The following FOXO1 variants were observed in gnomAD, a reference collection of about 807,000 sequenced individuals.
FOXO1 encodes forkhead box protein O1.
Under a neutral mutation model 44.1 loss-of-function variants are expected in FOXO1, and 6 were observed. The observed-to-expected ratio is 0.14, with a 90% CI of 0.07 to 0.27. The LOEUF is 0.27. Ranked by LOEUF, FOXO1 falls within the 10% of genes least tolerant of loss-of-function variation. The probability of loss-of-function intolerance (pLI) is 1.00; values close to 1 mark genes in which losing one functional copy is unlikely to be tolerated. For synonymous variants in FOXO1, 380 were observed against 362.7 expected, an observed-to-expected ratio of 1.05 and a Z score of -0.54; for missense variants, 737 against 888.8, an observed-to-expected ratio of 0.83 and a Z score of 2.17.
chr13:40,645,714 A>C (rs535231671), intron 1 of FOXO1, among the ~76,000 whole-genome samples: 2 of 152,180 alleles, frequency 1.3e-5, no homozygotes, highest in Non-Finnish European at 2.9e-5. Flanking sequence ...GAGATGAAAA[A>C]CTAGGGAAGG....
At chr13:40,588,337 A>G (rs1314092195) in intron 1 of FOXO1, among the ~76,000 whole-genome samples, 2 of 152,172 alleles carry the variant, frequency 1.3e-5, no homozygotes, top group Non-Finnish European at 2.9e-5. Context: ...AGTCACCTGA[A>G]TCCGAACAGG....
chr13:40,556,702 A>T lies in FOXO1; in HGVS notation c.*2347T>A, dbSNP rs1873765654. On this transcript the variant is annotated 3_prime_UTR_variant, in exon 3 of 3. Transcript: ENST00000379561. ...TCAACACACAATGGGGGCTTGGGAGAGGTATAATTACCCAGACTCAGGAGG... is the reference window on the plus strand; with the variant it reads ...TCAACACACAATGGGGGCTTGGGAGTGGTATAATTACCCAGACTCAGGAGG... The T allele has an allele frequency of 6.6e-6, 1 of 152,174 alleles. No homozygotes were observed. The highest frequency in any genetic ancestry group is 1.5e-5 in the Non-Finnish European group (1 of 68,030). The allele number at this position is 152,174 out of a possible 1,614,324, so 9.4% of individuals were successfully genotyped here.
chr13:40,557,638 A>T lies in FOXO1; in HGVS notation c.*1411T>A, dbSNP rs897816203. ...AATCTGCAGGGCAGAAGGGAGAATG[A>T]GATGAAGTATGAGTGTTGACATAAT... On this transcript the variant is annotated 3_prime_UTR_variant, in exon 3 of 3. Transcript: ENST00000379561. The T allele has an allele frequency of 4.6e-5, 7 of 152,272 alleles. No individual in the cohort carries two copies. Among genetic ancestry groups the T allele is most frequent in the African/African-American group, 1.7e-4 (7 of 41,466 alleles). The allele number at this position is 152,272 out of a possible 1,614,324, so 9.4% of individuals were successfully genotyped here.
At chr13:40,645,815 G>A (rs1386443352) in intron 1 of FOXO1, among the ~76,000 whole-genome samples, 2 of 152,076 alleles carry the variant, frequency 1.3e-5, no homozygotes, top group African/African-American at 2.4e-5. Context: ...GGGTGCAGTG[G>A]CTGACACCTG....
intron 1 of FOXO1, among the ~76,000 whole-genome samples, chr13:40,605,443 C>G (rs7985364): frequency 0.39 from 58,576 of 151,896 alleles, 12,102 homozygotes; most frequent in East Asian, 0.73. Flanking sequence ...ACATTTCCTA[C>G]TCGATAGCTC....
intron 1 of FOXO1, among the ~76,000 whole-genome samples, chr13:40,652,139 G>A (rs1278107289): frequency 2.0e-5 from 3 of 152,034 alleles, no homozygotes; most frequent in Non-Finnish European, 2.9e-5. Flanking sequence ...CCCACTCCCC[G>A]TTTAGGAGGT....
chr13:40,620,248 C>G, intron 1 of FOXO1: 1 of 1,493,840 alleles, frequency 6.7e-7, no homozygotes, highest in Non-Finnish European at 9.3e-7. Context: ...AAGGATCCAT[C>G]CCGGAGAAAA....
chr13:40,664,653 G>C (rs1396610774), intron 1 of FOXO1, among the ~76,000 whole-genome samples: 12 of 152,176 alleles, frequency 7.9e-5, no homozygotes, highest in African/African-American at 2.9e-4. Context: ...CGGCCCCTCA[G>C]GGCAGCCTCT....
At chr13:40,596,977 G>GC (rs1200834489) in intron 1 of FOXO1, among the ~76,000 whole-genome samples, 1 of 152,106 alleles carries the variant, frequency 6.6e-6, no homozygotes, top group African/African-American at 2.4e-5. Flanking sequence ...GGAAGACAGC[G>GC]CCTAAATCCT....
intron 1 of FOXO1, among the ~76,000 whole-genome samples, chr13:40,656,017 T>C (rs1280402462): frequency 6.6e-6 from 1 of 152,164 alleles, no homozygotes; most frequent in Non-Finnish European, 1.5e-5. Flanking sequence ...TGTGCCACAA[T>C]GCCATTTTTA....
intron 1 of FOXO1, among the ~76,000 whole-genome samples, chr13:40,610,221 A>T (rs17061453): frequency 0.025 from 3,838 of 152,302 alleles, 103 homozygotes; most frequent in Middle Eastern, 0.058. Context: ...AGCATACTGT[A>T]CTGAGGGAAG....
chr13:40,590,025 C>T (rs1566068969), intron 1 of FOXO1, among the ~76,000 whole-genome samples: 6 of 152,178 alleles, frequency 3.9e-5, no homozygotes. Flanking sequence ...TAAAAGTCTG[C>T]AAGTTTGTAC....
chr13:40,655,337 A>T (rs1021384439), intron 1 of FOXO1, among the ~76,000 whole-genome samples: 57 of 139,372 alleles, frequency 4.1e-4, no homozygotes, highest in Non-Finnish European at 2.6e-4. Context: ...TGACAGAGTT[A>T]GACCCCATCT....
In FOXO1 at chr13:40,604,183, G is replaced by GA. The variant is rs879745148; in HGVS notation, c.631-43324dup. 1.9e-3 allele frequency among the ~76,000 whole-genome samples: 261 copies of GA among 136,452 alleles called. 4 individuals carry two copies. In the East Asian group the frequency reaches 0.022, roughly 12 times the overall value. 89.5% of individuals were successfully genotyped at this position (136,452 alleles called of 152,430 possible). On this transcript the variant is annotated intron_variant, in intron 1 of 2. Coordinates refer to ENST00000379561, the MANE Select transcript of FOXO1 (RefSeq NM_002015.4). ...CCTAAATTTTGCAATTTCCACTAAG[G>GA]AAAAAAAAAAAAGAAGACAAGACAT...
intron 1 of FOXO1, among the ~76,000 whole-genome samples, chr13:40,637,406 T>C (rs183357222): frequency 7.8e-6 from 1 of 127,576 alleles, no homozygotes; most frequent in Non-Finnish European, 1.5e-5. Context: ...ATCGTGCCAC[T>C]GCACTCCAGC....
At chr13:40,610,258 T>C (rs1240014345) in intron 1 of FOXO1, among the ~76,000 whole-genome samples, 1 of 152,154 alleles carries the variant, frequency 6.6e-6, no homozygotes, top group Admixed American at 6.5e-5. Context: ...CCTATTTATA[T>C]ATGTCTATAA....
In FOXO1 at chr13:40,558,451, T is replaced by C. The variant is rs1873844016; in HGVS notation, c.*598A>G. ...TTAACAAGTCCATTAATTTAGCAGATTGATAACAGGCTACTTGGTTCTCAT... is the reference window on the plus strand; with the variant it reads ...TTAACAAGTCCATTAATTTAGCAGACTGATAACAGGCTACTTGGTTCTCAT... On this transcript the variant is annotated 3_prime_UTR_variant, in exon 3 of 3. Coordinates refer to ENST00000379561, the MANE Select transcript of FOXO1 (RefSeq NM_002015.4). The C allele has an allele frequency of 6.0e-6, 1 of 167,588 alleles. No individual in the cohort carries two copies. The highest frequency in any genetic ancestry group is 6.4e-5 in the Admixed American group (1 of 15,716). The allele number at this position is 167,588 out of a possible 1,614,324, so 10.4% of individuals were successfully genotyped here.
At chr13:40,599,502 G>T (rs1055173351) in intron 1 of FOXO1, among the ~76,000 whole-genome samples, 27 of 152,334 alleles carry the variant, frequency 1.8e-4, no homozygotes, top group African/African-American at 6.5e-4. Flanking sequence ...CGTGGACCCT[G>T]TGAAACCACC....
At chr13:40,593,431 G>A (rs1271046343) in intron 1 of FOXO1, among the ~76,000 whole-genome samples, 1 of 152,202 alleles carries the variant, frequency 6.6e-6, no homozygotes, top group Non-Finnish European at 1.5e-5. Context: ...CACTTCCAGG[G>A]TTTCAAGCAC....
Sources: allele counts gnomAD v4.1 joint callset (sites outside exome capture counted in the v4.1 genomes callset), GRCh38; gene constraint gnomAD v4.1.1; transcripts MANE v1.5; gene names NCBI Gene and HGNC (gene_info 2026-07-23, HGNC 2026-07-21).